Variants in SLC25A3 observed in about 807,000 individuals in gnomAD.
The protein encoded by SLC25A3 is phosphate transport protein.
Under a neutral mutation model 37.1 loss-of-function variants are expected in SLC25A3, and 14 were observed. The observed-to-expected ratio is 0.38, with a 90% CI of 0.25 to 0.59. SLC25A3 has a LOEUF of 0.59. Ranked by LOEUF, SLC25A3 falls within the 20% of genes least tolerant of loss-of-function variation. The pLI is 0.67. For missense variants in SLC25A3, 385 were observed against 458.1 expected (o/e 0.84, Z 1.46); for synonymous variants, 161 against 168.7 (o/e 0.95, Z 0.36).
chr12:98,601,014 T>A, intron 6 of SLC25A3, 157 bp from the exon 7 acceptor site: 1 of 732,272 alleles, frequency 1.4e-6, no homozygotes, highest in Non-Finnish European at 2.2e-6. Context: ...CCGTTTTACA[T>A]AGGATAGACA....
At position 98,601,878 on chromosome 12, in the gene SLC25A3, C is replaced by A; in HGVS notation, c.*350C>A. On this transcript the variant is annotated 3_prime_UTR_variant, in exon 8 of 8. Transcript: ENST00000552981. ...TTGTCATATGTCTCAAGTTTTATCA[C>A]ACAAAGTTCCTGTATTTCTAGGGAA... 4.1e-6 allele frequency: 1 copy of A among 241,016 alleles called. No individual in the cohort carries two copies. The highest frequency in any genetic ancestry group is 8.2e-6 in the Non-Finnish European group (1 of 121,660). The allele number at this position is 241,016 out of a possible 1,614,324, so 14.9% of individuals were successfully genotyped here. A position where few individuals can be genotyped will look rare whatever the true frequency, so the allele number is the denominator to read the frequency against.
Position 98,594,177 on chromosome 12 carries a change from G to A in SLC25A3, c.157+42G>A, listed in dbSNP as rs754829041. On this transcript the variant is annotated intron_variant, in intron 2 of 7. Transcript: ENST00000552981. The stretch of plus-strand genomic sequence containing the variant: ...CCCAATACAGTCGTGTGGTCTACTT[G>A]TGGGCCGCCCAGCCTTTGAGGCCTG... The A allele has an allele frequency of 1.4e-5, 22 of 1,521,934 alleles. No individual in the cohort carries two copies. The South Asian group carries it at 1.6e-4, about 11-fold the overall frequency. The allele number at this position is 1,521,934 out of a possible 1,614,324, so 94.3% of individuals were successfully genotyped here.
chr12:98,602,164 A>G lies in SLC25A3; in HGVS notation c.*636A>G, dbSNP rs1310902488. On this transcript the variant is annotated 3_prime_UTR_variant, in exon 8 of 8. Transcript: ENST00000552981. ...AGGTACACTAATTCTCTTTACACAG[A>G]TCTGACTTTTTTTTTTTTTGAGACG... 1.3e-5 allele frequency: 2 copies of G among 152,236 alleles called. No homozygotes were observed. Among genetic ancestry groups the G allele is most frequent in the Non-Finnish European group, 2.9e-5 (2 of 68,820 alleles). The allele number at this position is 152,236 out of a possible 1,614,324, so 9.4% of individuals were successfully genotyped here.
At chr12:98,597,263 A>G (rs1398313565) in intron 3 of SLC25A3, among the ~76,000 whole-genome samples, 1 of 152,166 alleles carries the variant, frequency 6.6e-6, no homozygotes, top group African/African-American at 2.4e-5. Flanking sequence ...TAATCAAATG[A>G]ACAATAATAA....
chr12:98,594,248 C>T (rs1239581606), intron 2 of SLC25A3, 113 bp downstream of exon 2: 1 of 896,710 alleles, frequency 1.1e-6, no homozygotes, highest in Non-Finnish European at 1.8e-6. Context: ...CCCGCTGCAC[C>T]GTAGGACGGC....
At chr12:98,598,375 T>A in intron 4 of SLC25A3, 147 bp from the exon 5 acceptor site, 1 of 1,206,110 alleles carries the variant, frequency 8.3e-7, no homozygotes, top group Non-Finnish European at 1.2e-6. Flanking sequence ...GTTTTGTTAA[T>A]GAGGTTATGA....
In SLC25A3 at chr12:98,602,632, A is replaced by T. The variant is rs1315592683; in HGVS notation, c.*1104A>T. On this transcript the variant is annotated 3_prime_UTR_variant, in exon 8 of 8. Coordinates refer to ENST00000552981, the MANE Select transcript of SLC25A3 (RefSeq NM_002635.4). ...TTTTTAAAGAGCTCCTAGAAAGTGAATTAGTTTTTGTGTTTAGATTCCCCT... is the reference window on the plus strand; with the variant it reads ...TTTTTAAAGAGCTCCTAGAAAGTGATTTAGTTTTTGTGTTTAGATTCCCCT... 1 of 152,166 alleles carries T rather than the reference A, an allele frequency of 6.6e-6. No individual in the cohort carries two copies. The highest frequency in any genetic ancestry group is 1.5e-5 in the Non-Finnish European group (1 of 68,014). The allele number at this position is 152,166 out of a possible 1,614,324, so 9.4% of individuals were successfully genotyped here.
chr12:98,596,157 T>TG (rs1176361551), intron 3 of SLC25A3, among the ~76,000 whole-genome samples: 1 of 152,226 alleles, frequency 6.6e-6, no homozygotes, highest in Non-Finnish European at 1.5e-5. Context: ...ACCTATGTGT[T>TG]GGAGTGGGTA....
In SLC25A3 at chr12:98,593,686, C is replaced by T. The variant is rs1168134201; in HGVS notation, c.-59C>T. 7.8e-6 allele frequency: 4 copies of T among 511,448 alleles called. No individual in the cohort carries two copies. The highest frequency in any genetic ancestry group is 2.1e-5 in the South Asian group (1 of 47,936). The allele number at this position is 511,448 out of a possible 1,614,324, so 31.7% of individuals were successfully genotyped here. On this transcript the variant is annotated 5_prime_UTR_variant, in exon 1 of 8. Transcript: ENST00000552981. ...TCTTAGGACCCGGAGGACGTCCGGC[C>T]TCTGTGAGCCGCAACCTTTCCAAGG... is the stretch of plus-strand genomic sequence containing the variant.
rs2097590429 is a variant in SLC25A3, at chr12:98,593,776, G to C, written c.-5+36G>C. The C allele has an allele frequency of 1.1e-5, 7 of 620,056 alleles. No individual in the cohort carries two copies. In the South Asian group the frequency reaches 1.2e-4, roughly 10 times the overall value. The allele number at this position is 620,056 out of a possible 1,614,324, so 38.4% of individuals were successfully genotyped here. A position where few individuals can be genotyped will look rare whatever the true frequency, so the allele number is the denominator to read the frequency against. On this transcript the variant is annotated intron_variant, in intron 1 of 7. Coordinates refer to ENST00000552981, the MANE Select transcript of SLC25A3 (RefSeq NM_002635.4). ...CCGGGCCTTCTCCTGTGGCGGGTGT[G>C]GGGAGCGGAGCCCAGAGCTCCTGTG...
At position 98,601,174 on chromosome 12, in the gene SLC25A3, G is replaced by C. The variant is rs1169281008; in HGVS notation, c.818G>C (p.Gly273Ala). The part of the protein sequence containing the change: ...VVTFVAGYIA[G>A]VFCAIVSHPA... ...GGGATCCTTTATCTTTTTTCAGCTG[G>C]AGTCTTTTGTGCAATTGTTTCTCAC... Residue 273 changes from glycine to alanine, a missense_variant, in exon 7 of 8, where the codon GGA (glycine) becomes GCA (alanine). Gly to Ala is a moderately conservative substitution (Grantham distance 60). This residue lies in a region of SLC25A3 where 276 missense variants were observed against 367.6 expected (regional missense o/e 0.75). Coordinates refer to ENST00000552981, the MANE Select transcript of SLC25A3 (RefSeq NM_002635.4). The C allele has an allele frequency of 6.2e-7, 1 of 1,612,432 alleles. No homozygotes were observed. Among genetic ancestry groups the C allele is most frequent in the Admixed American group, 1.7e-5 (1 of 59,996 alleles).
rs1342746611 is a variant in SLC25A3, at chr12:98,603,718, A to G, written c.*2190A>G. ...ATACAAAATACGCTGTGTTCAAGCT[A>G]TGGAGCCTGCCACTGTAGTTACTAG... On this transcript the variant is annotated 3_prime_UTR_variant, in exon 8 of 8. Transcript: ENST00000552981. 2 of 152,182 alleles carry G rather than the reference A, an allele frequency of 1.3e-5. No individual in the cohort carries two copies. The highest frequency in any genetic ancestry group is 4.8e-5 in the African/African-American group (2 of 41,436). 9.4% of individuals were successfully genotyped at this position (152,182 alleles called of 1,614,324 possible).
At chr12:98,594,737 G>A (rs1414217215) in intron 2 of SLC25A3, 1 of 268,078 alleles carries the variant, frequency 3.7e-6, no homozygotes, top group South Asian at 4.1e-5. Context: ...GTTGGGCCCA[G>A]CTTTAACTTA....
rs2097600469 is a variant in SLC25A3 at position 98,604,986 on chromosome 12, C to T, written c.*3458C>T. ...CTATGTTGCCAAGGCTAGTCTTGAA[C>T]TCCTGAGCTCAAGCGAGCCTTCTGC... On this transcript the variant is annotated 3_prime_UTR_variant, in exon 8 of 8. Coordinates refer to ENST00000552981, the MANE Select transcript of SLC25A3 (RefSeq NM_002635.4). 6.6e-6 allele frequency: 1 copy of T among 152,276 alleles called. No homozygotes were observed. Among genetic ancestry groups the T allele is most frequent in the Non-Finnish European group, 1.5e-5 (1 of 68,092 alleles). The allele number at this position is 152,276 out of a possible 1,614,324, so 9.4% of individuals were successfully genotyped here. A position where few individuals can be genotyped will look rare whatever the true frequency, so the allele number is the denominator to read the frequency against.
At chr12:98,595,082 C>A in intron 2 of SLC25A3, 1 of 285,820 alleles carries the variant, frequency 3.5e-6, no homozygotes, top group South Asian at 3.9e-5. Context: ...GTTTGCAAGC[C>A]TTTTACATGT....
At position 98,603,121 on chromosome 12, in the gene SLC25A3, A is replaced by G. The variant is rs2097599140; in HGVS notation, c.*1593A>G. 6.6e-6 allele frequency: 1 copy of G among 152,216 alleles called. No individual in the cohort carries two copies. Among genetic ancestry groups the G allele is most frequent in the Non-Finnish European group, 1.5e-5 (1 of 68,036 alleles). The allele number at this position is 152,216 out of a possible 1,614,324, so 9.4% of individuals were successfully genotyped here. On this transcript the variant is annotated 3_prime_UTR_variant, in exon 8 of 8. Coordinates refer to ENST00000552981, the MANE Select transcript of SLC25A3 (RefSeq NM_002635.4). ...TGGTGCTTAGCAGTATCAACTGTAT[A>G]TTATTTCTTGCTATGTTAGCAAAGC...
At chr12:98,599,749 T>G in intron 5 of SLC25A3, 1 of 735,186 alleles carries the variant, frequency 1.4e-6, no homozygotes, top group Non-Finnish European at 2.5e-6. Context: ...CTTTTTTGGT[T>G]GTATAGTCAA....
chr12:98,606,350 CAT>C lies in SLC25A3; in HGVS notation c.*4824_*4825del, dbSNP rs2097601212. 1.3e-5 allele frequency: 2 copies of C among 152,256 alleles called. No individual in the cohort carries two copies. Among genetic ancestry groups the C allele is most frequent in the Admixed American group, 1.3e-4 (2 of 15,288 alleles). 9.4% of individuals were successfully genotyped at this position (152,256 alleles called of 1,614,324 possible). On this transcript the variant is annotated 3_prime_UTR_variant, in exon 8 of 8. Coordinates refer to ENST00000552981, the MANE Select transcript of SLC25A3 (RefSeq NM_002635.4). ...ATCTTGTAAAAATTAAAAAATTAAA[CAT>C]AAATAAAAGTTCAAACTATGTGTTG...
chr12:98,595,039 T>C (rs1013755665), intron 2 of SLC25A3: 2 of 260,908 alleles, frequency 7.7e-6, no homozygotes, highest in Non-Finnish European at 1.5e-5. Flanking sequence ...GTGGGGATAG[T>C]ATTGGTTAGT....
Sources: allele counts gnomAD v4.1 joint callset (sites outside exome capture counted in the v4.1 genomes callset), GRCh38; gene constraint gnomAD v4.1.1; regional missense constraint gnomAD v4.1.1; transcripts MANE v1.5; gene names NCBI Gene and HGNC (gene_info 2026-07-23, HGNC 2026-07-21).